DPY19L2: variants seen among roughly 807,000 people sequenced by gnomAD.
DPY19L2 encodes the protein dpy-19 like 2.
Under a neutral mutation model 97.9 loss-of-function variants are expected in DPY19L2, and 34 were observed. That is an observed-to-expected ratio of 0.35 (90% CI 0.26 to 0.46). The LOEUF is 0.46. DPY19L2 is among the 20% of genes least tolerant of loss of function. The pLI is 1.00. For synonymous variants in DPY19L2, 230 were observed against 307.9 expected (o/e 0.75, Z 2.65); for missense variants, 623 against 911.4 (o/e 0.68, Z 4.07).
rs2137359449 is a variant in DPY19L2 at position 63,580,650 on chromosome 12, A to C, written c.1900+12T>G. 3 of 1,592,030 alleles carry C rather than the reference A, an allele frequency of 1.9e-6. No individual in the cohort carries two copies. Among genetic ancestry groups the C allele is most frequent in the Non-Finnish European group, 2.6e-6 (3 of 1,172,120 alleles). ...TTGTATAAAACTAGCATATAACCAA[A>C]TACCTACACACCTGATGTGGTACTG... On this transcript the variant is annotated intron_variant, in intron 19 of 21. Coordinates refer to ENST00000324472, the MANE Select transcript of DPY19L2 (RefSeq NM_173812.5).
chr12:63,600,030 T>G (rs748430510), intron 13 of DPY19L2, among the ~76,000 whole-genome samples: 34 of 152,142 alleles, frequency 2.2e-4, no homozygotes, highest in Non-Finnish European at 3.2e-4. Flanking sequence ...TATTTGTATT[T>G]TAACTGAAAT....
intron 16 of DPY19L2, among the ~76,000 whole-genome samples, chr12:63,589,458 A>G (rs370772580): frequency 6.6e-6 from 1 of 151,046 alleles, no homozygotes; most frequent in South Asian, 2.1e-4. Context: ...ACTCAAGTAC[A>G]ATGAGAATTG....
intron 19 of DPY19L2, among the ~76,000 whole-genome samples, chr12:63,572,548 C>A (rs1368115488): frequency 6.6e-6 from 1 of 152,052 alleles, no homozygotes; most frequent in Non-Finnish European, 1.5e-5. Flanking sequence ...TTGCCACCTG[C>A]TGACTGTTGA....
chr12:63,628,619 C>G (rs1356927662), intron 6 of DPY19L2, among the ~76,000 whole-genome samples: 1 of 152,102 alleles, frequency 6.6e-6, no homozygotes, highest in East Asian at 1.9e-4. Context: ...CTCCCTGCCT[C>G]TGTAGACTCC....
intron 6 of DPY19L2, among the ~76,000 whole-genome samples, chr12:63,632,012 C>A (rs1010229070): frequency 6.6e-5 from 10 of 152,104 alleles, no homozygotes; most frequent in Admixed American, 5.9e-4. Flanking sequence ...CAAAATTCAA[C>A]AACCCCTCAT....
chr12:63,564,677 G>A (rs935270492), intron 21 of DPY19L2, among the ~76,000 whole-genome samples: 2 of 152,060 alleles, frequency 1.3e-5, no homozygotes, highest in South Asian at 2.1e-4. Flanking sequence ...AATAGTCTGC[G>A]TGTGCTTGAA....
chr12:63,565,982 T>C (rs1877598175), intron 21 of DPY19L2, among the ~76,000 whole-genome samples: 2 of 152,310 alleles, frequency 1.3e-5, no homozygotes, highest in African/African-American at 4.8e-5. Flanking sequence ...TCTTCTCTGA[T>C]ATTCATACAT....
intron 16 of DPY19L2, among the ~76,000 whole-genome samples, chr12:63,585,368 G>A (rs1881617439): frequency 6.6e-6 from 1 of 152,092 alleles, no homozygotes; most frequent in South Asian, 2.1e-4. Context: ...TCAGGGGAAG[G>A]TCTCTTAAGG....
intron 5 of DPY19L2, among the ~76,000 whole-genome samples, chr12:63,644,802 T>C (rs1293789613): frequency 2.0e-5 from 3 of 152,166 alleles, no homozygotes; most frequent in African/African-American, 7.2e-5. Flanking sequence ...TAATTGCATT[T>C]ATACTTTCCT....
rs188104860 is a variant in DPY19L2, at chr12:63,564,650, A to C, written c.2127-3988T>G. ...TCAATACTTGCTTTGTGGCCTAGAA[A>C]ATGGTCTTTTTTGATAAATAGTCTG... On this transcript the variant is annotated intron_variant, in intron 21 of 21. Transcript: ENST00000324472. Among the ~76,000 whole-genome samples the C allele has an allele frequency of 1.8e-3, 276 of 152,210 alleles. 2 individuals are homozygous for C. The highest frequency in any genetic ancestry group is 6.4e-3 in the African/African-American group (267 of 41,540).
intron 4 of DPY19L2, among the ~76,000 whole-genome samples, chr12:63,650,270 T>C (rs1015949191): frequency 2.6e-5 from 4 of 151,812 alleles, no homozygotes; most frequent in Non-Finnish European, 4.4e-5. Context: ...AACAAAAGCG[T>C]GTTTACTCTC....
chr12:63,656,158 T>C (rs1419262372), intron 4 of DPY19L2, among the ~76,000 whole-genome samples: 3 of 152,166 alleles, frequency 2.0e-5, no homozygotes, highest in African/African-American at 7.2e-5. Context: ...CAAGCAATGT[T>C]CTTTTTGGCT....
At chr12:63,643,854 C>CA (rs1212877056) in intron 6 of DPY19L2, among the ~76,000 whole-genome samples, 1 of 152,084 alleles carries the variant, frequency 6.6e-6, no homozygotes, top group Admixed American at 6.5e-5. Context: ...TTTTCATTGG[C>CA]AAAAACTAGC....
At chr12:63,580,427 C>A (rs927283800) in intron 19 of DPY19L2, among the ~76,000 whole-genome samples, 16 of 151,966 alleles carry the variant, frequency 1.1e-4, no homozygotes, top group Admixed American at 5.2e-4. Context: ...AATTTAAATT[C>A]TTTGATAATT....
rs758317129 is a variant in DPY19L2 at position 63,668,384 on chromosome 12, G to C, written c.10C>G (p.Gln4Glu). The change falls in exon 1 of 22, where the codon CAA (glutamine) becomes GAA (glutamate). Residue 4 changes from glutamine to glutamate, a missense_variant. Physicochemically the swap from Gln to Glu is conservative, Grantham distance 29. Around this residue, in one of 6 missense-constraint regions of DPY19L2, gnomAD observed 144 missense variants for 119.4 expected, o/e 1.21. Transcript: ENST00000324472. Reference sequence around the variant, plus strand: ...TGCAGCCGCTTTGAGCTTACTCCTTGTTTTCTCATAATCAAGGAGTATGGT... The same window carrying C: ...TGCAGCCGCTTTGAGCTTACTCCTTCTTTTCTCATAATCAAGGAGTATGGT... MRK[Q>E]GVSSKRLQSS... 4 of 1,611,178 alleles carry C rather than the reference G, an allele frequency of 2.5e-6. No individual in the cohort carries two copies. The highest frequency in any genetic ancestry group is 3.4e-6 in the Non-Finnish European group (4 of 1,178,970).
chr12:63,560,514 A>G lies in DPY19L2; in HGVS notation c.2275T>C (p.Ter759ArgextTer25). The change falls in exon 22 of 22, where the codon TGA becomes CGA. Residue 759 changes from the stop codon to arginine (R), a stop_lost. Transcript: ENST00000324472. ...NSVYRVLKVN[*>R] ...TAGTAAAATGGGTAGTATCCTTCTC[A>G]GTTAACCTTTAATACTCTGTACACA... is the stretch of plus-strand genomic sequence containing the variant. 6.2e-7 allele frequency: 1 copy of G among 1,613,356 alleles called. No homozygotes were observed. Among genetic ancestry groups the G allele is most frequent in the Non-Finnish European group, 8.5e-7 (1 of 1,179,608 alleles).
At chr12:63,600,547 G>T (rs943988490) in intron 12 of DPY19L2, among the ~76,000 whole-genome samples, 161 bp from the exon 13 acceptor site, 7 of 141,396 alleles carry the variant, frequency 5.0e-5, no homozygotes, top group African/African-American at 1.6e-4. Context: ...TAAAAGCAAA[G>T]AATTAAAACT....
At chr12:63,635,937 G>A (rs11175084) in intron 6 of DPY19L2, among the ~76,000 whole-genome samples, 42,708 of 151,818 alleles carry the variant, frequency 0.28, 6,599 homozygotes, top group African/African-American at 0.43. Flanking sequence ...ATGCCACAAA[G>A]ATACTCCTCA....
At chr12:63,583,607 A>C (rs1312603191) in intron 17 of DPY19L2, among the ~76,000 whole-genome samples, 1 of 152,244 alleles carries the variant, frequency 6.6e-6, no homozygotes, top group East Asian at 1.9e-4. Flanking sequence ...CTATAGTCAT[A>C]AATCAGCCTT....
Sources: allele counts gnomAD v4.1 joint callset (sites outside exome capture counted in the v4.1 genomes callset), GRCh38; gene constraint gnomAD v4.1.1; regional missense constraint gnomAD v4.1.1; transcripts MANE v1.5; gene names NCBI Gene and HGNC (gene_info 2026-07-23, HGNC 2026-07-21).